The following PCDHB7 variants were observed in gnomAD, a reference collection of about 807,000 sequenced individuals.
PCDHB7 encodes the protein protocadherin beta-7.
For synonymous variants in PCDHB7, 542 were observed against 463.1 expected (o/e 1.17, Z -2.19); for missense variants, 1,148 against 1,011.6 (o/e 1.13, Z -1.83).
chr5:141,172,933 A>G lies in PCDHB7; in HGVS notation c.98A>G (p.Tyr33Cys). ...MSWAGAEPLRYFVAEETERGT... is the reference protein window; with the variant it reads ...MSWAGAEPLRCFVAEETERGT... ...TGGGCTGGCGCCGAACCGCTTCGGT[A>G]TTTTGTGGCGGAGGAAACCGAGAGA... The change falls in exon 1 of 1, where the codon TAT (tyrosine) becomes TGT (cysteine). Residue 33 changes from tyrosine (Y) to cysteine (C), a missense_variant. By Grantham distance (194) the Tyr-to-Cys change is radical. Transcript: ENST00000231137. 1 of 1,614,200 alleles carries G rather than the reference A, an allele frequency of 6.2e-7. No homozygotes were observed. The highest frequency in any genetic ancestry group is 8.5e-7 in the Non-Finnish European group (1 of 1,180,030).
chr5:141,173,155 A>G lies in PCDHB7; in HGVS notation c.320A>G (p.Gln107Arg), dbSNP rs570409660. The change falls in exon 1 of 1, where the codon CAG (glutamine) becomes CGG (arginine). Residue 107 changes from glutamine (Q) to arginine (R), a missense_variant. Transcript: ENST00000231137. ...AGAGAGCCCTGTGTGCTGCCTTTCC[A>G]GTTGTTATTGGAAAAACCTTTTCAG... ...GPREPCVLPF[Q>R]LLLEKPFQIF... 3 of 1,613,936 alleles carry G rather than the reference A, an allele frequency of 1.9e-6. No individual in the cohort carries two copies. The highest frequency in any genetic ancestry group is 2.2e-5 in the South Asian group (2 of 91,060).
chr5:141,173,166 G>A lies in PCDHB7; in HGVS notation c.331G>A (p.Glu111Lys), dbSNP rs76427364. 1.1e-5 allele frequency: 18 copies of A among 1,613,712 alleles called. No individual in the cohort carries two copies. The East Asian group carries it at 4.0e-4, about 36-fold the overall frequency. The stretch of plus-strand genomic sequence containing the variant: ...TGTGCTGCCTTTCCAGTTGTTATTG[G>A]AAAAACCTTTTCAGATTTTCCGTGC... Reference protein sequence around the residue: ...PCVLPFQLLLEKPFQIFRAEL... With the variant: ...PCVLPFQLLLKKPFQIFRAEL... The change falls in exon 1 of 1, where the codon GAA becomes AAA. Residue 111 changes from glutamate to lysine, a missense_variant. Coordinates refer to ENST00000231137, the MANE Select transcript of PCDHB7 (RefSeq NM_018940.4).
At position 141,175,259 on chromosome 5, in the gene PCDHB7, G is replaced by A. The variant is rs781962396; in HGVS notation, c.*42G>A. On this transcript the variant is annotated 3_prime_UTR_variant, in exon 1 of 1. Transcript: ENST00000231137. Reference sequence around the variant, plus strand: ...AATCCGCGTCTGTGAATACGTTTCTGATTAGGAACTTATTGCGAGGTTCCC... The same window carrying A: ...AATCCGCGTCTGTGAATACGTTTCTAATTAGGAACTTATTGCGAGGTTCCC... 3.2e-6 allele frequency: 5 copies of A among 1,540,254 alleles called. No individual in the cohort carries two copies. In the Admixed American group the frequency reaches 5.7e-5, roughly 18 times the overall value.
At position 141,174,366 on chromosome 5, in the gene PCDHB7, G is replaced by C. The variant is rs782316027; in HGVS notation, c.1531G>C (p.Gly511Arg). ...ASLVSINADNGHLFALRSLDY... is the reference protein window; with the variant it reads ...ASLVSINADNRHLFALRSLDY... ...CCTGGTCTCCATCAACGCGGACAAC[G>C]GCCACCTGTTTGCCCTCAGGTCCCT... The change falls in exon 1 of 1, where the codon GGC becomes CGC. Residue 511 changes from glycine to arginine, a missense_variant. Transcript: ENST00000231137. 1.2e-6 allele frequency: 2 copies of C among 1,612,768 alleles called. No homozygotes were observed. The highest frequency in any genetic ancestry group is 1.3e-5 in the African/African-American group (1 of 75,024).
Position 141,174,287 on chromosome 5 carries a change from C to T in PCDHB7, c.1452C>T (p.Ala484=), listed in dbSNP as rs149570059. The T allele has an allele frequency of 1.2e-5, 19 of 1,612,398 alleles. No individual in the cohort carries two copies. In the African/African-American group the frequency reaches 2.3e-4, roughly 19 times the overall value. Residue 484 remains alanine (A), a synonymous_variant, in exon 1 of 1, where the codon GCC becomes GCT. Transcript: ENST00000231137. ...SATDRDSGTN[A]QVIYSLLPSQ... is the part of the protein sequence containing the mutation. ...CAGACAGAGACTCGGGCACCAACGCCCAGGTCATCTACTCCCTGCTGCCGT... is the reference window on the plus strand; with the variant it reads ...CAGACAGAGACTCGGGCACCAACGCTCAGGTCATCTACTCCCTGCTGCCGT...
chr5:141,174,395 C>G lies in PCDHB7; in HGVS notation c.1560C>G (p.Asp520Glu). ...ACCTGTTTGCCCTCAGGTCCCTGGA[C>G]TACGAGGCCCTGCAGGCGTTCGAGT... The part of the protein sequence containing the change: ...NGHLFALRSL[D>E]YEALQAFEFR... Residue 520 changes from aspartate (D) to glutamate (E), a missense_variant, in exon 1 of 1, where the codon GAC becomes GAG. Asp to Glu is a conservative substitution (Grantham distance 45). Coordinates refer to ENST00000231137, the MANE Select transcript of PCDHB7 (RefSeq NM_018940.4). 1 of 1,612,524 alleles carries G rather than the reference C, an allele frequency of 6.2e-7. No homozygotes were observed. The highest frequency in any genetic ancestry group is 8.5e-7 in the Non-Finnish European group (1 of 1,179,836).
In PCDHB7 at chr5:141,173,777, T is replaced by C; in HGVS notation, c.942T>C (p.Thr314=). Residue 314 remains threonine (T), a synonymous_variant, in exon 1 of 1, where the codon ACT becomes ACC. Coordinates refer to ENST00000231137, the MANE Select transcript of PCDHB7 (RefSeq NM_018940.4). ...KAQLDYEAIQ[T]YTLTIQAKDG... Reference sequence around the variant, plus strand: ...AATTGGACTATGAGGCAATTCAAACTTACACATTAACTATTCAGGCCAAAG... The same window carrying C: ...AATTGGACTATGAGGCAATTCAAACCTACACATTAACTATTCAGGCCAAAG... 6.2e-7 allele frequency: 1 copy of C among 1,614,138 alleles called. No individual in the cohort carries two copies. The highest frequency in any genetic ancestry group is 8.5e-7 in the Non-Finnish European group (1 of 1,180,030).
Position 141,175,510 on chromosome 5 carries a change from T to A in PCDHB7, c.*293T>A. On this transcript the variant is annotated 3_prime_UTR_variant, in exon 1 of 1. Transcript: ENST00000231137. Reference sequence around the variant, plus strand: ...GCTTTCCATTGTTTTCAATCTCTACTGAGACTTCCTGAGTTGATTAGAAAG... The same window carrying A: ...GCTTTCCATTGTTTTCAATCTCTACAGAGACTTCCTGAGTTGATTAGAAAG... The A allele has an allele frequency of 2.4e-6, 1 of 417,516 alleles. No homozygotes were observed. Among genetic ancestry groups the A allele is most frequent in the Non-Finnish European group, 4.2e-6 (1 of 235,786 alleles). 25.9% of individuals were successfully genotyped at this position (417,516 alleles called of 1,614,324 possible).
rs782279641 is a variant in PCDHB7, at chr5:141,175,241, G to A, written c.*24G>A. 1.2e-5 allele frequency: 19 copies of A among 1,575,962 alleles called. No homozygotes were observed. The East Asian group carries it at 2.7e-4, about 22-fold the overall frequency. ...GATAAAGAATGTAAACTAAATCCGC[G>A]TCTGTGAATACGTTTCTGATTAGGA... On this transcript the variant is annotated 3_prime_UTR_variant, in exon 1 of 1. Transcript: ENST00000231137.
At position 141,173,535 on chromosome 5, in the gene PCDHB7, G is replaced by A; in HGVS notation, c.700G>A (p.Asp234Asn). The change falls in exon 1 of 1, where the codon GAC becomes AAC. Residue 234 changes from aspartate (D) to asparagine (N), a missense_variant. By Grantham distance (23) the Asp-to-Asn change is conservative. Transcript: ENST00000231137. The stretch of plus-strand genomic sequence containing the variant: ...CGCCCTCGTGCGCATTCTGGTTCTA[G>A]ACGTAAATGACAACGCCCCTGATTT... The part of the protein sequence containing the change: ...GTALVRILVL[D>N]VNDNAPDFVR... 1 of 1,613,726 alleles carries A rather than the reference G, an allele frequency of 6.2e-7. No individual in the cohort carries two copies.
At position 141,173,412 on chromosome 5, in the gene PCDHB7, G is replaced by A. The variant is rs781888787; in HGVS notation, c.577G>A (p.Glu193Lys). The change falls in exon 1 of 1, where the codon GAA becomes AAA. Residue 193 changes from glutamate to lysine, a missense_variant. Glu to Lys is a moderately conservative substitution (Grantham distance 56). Coordinates refer to ENST00000231137, the MANE Select transcript of PCDHB7 (RefSeq NM_018940.4). ...TAGCGGGGAGGGGAATATCTATCCC[G>A]AATTGGTGCTGAATCAAGTGCTGGA... Reference protein sequence around the residue: ...HDSGEGNIYPELVLNQVLDRE... With the variant: ...HDSGEGNIYPKLVLNQVLDRE... 6.2e-7 allele frequency: 1 copy of A among 1,614,154 alleles called. No homozygotes were observed. Among genetic ancestry groups the A allele is most frequent in the Non-Finnish European group, 8.5e-7 (1 of 1,180,016 alleles).
chr5:141,174,318 G>C lies in PCDHB7; in HGVS notation c.1483G>C (p.Asp495His). The C allele has an allele frequency of 6.2e-7, 1 of 1,612,864 alleles. No individual in the cohort carries two copies. The highest frequency in any genetic ancestry group is 8.5e-7 in the Non-Finnish European group (1 of 1,179,906). ...QVIYSLLPSQ[D>H]PHLPLASLVS... is the part of the protein sequence containing the mutation. ...CATCTACTCCCTGCTGCCGTCCCAG[G>C]ACCCGCACCTGCCCCTCGCCTCCCT... Residue 495 changes from aspartate to histidine, a missense_variant, in exon 1 of 1, where the codon GAC becomes CAC. By Grantham distance (81) the Asp-to-His change is moderately conservative. Transcript: ENST00000231137.
Position 141,176,077 on chromosome 5 carries a change from A to C in PCDHB7, c.*860A>C, listed in dbSNP as rs1202852203. On this transcript the variant is annotated 3_prime_UTR_variant, in exon 1 of 1. Transcript: ENST00000231137. ...CCTTCTCCTTTCTTCAGAACATATG[A>C]CTTTCATTTCCCAGAAAAAAGATTA... 5 of 167,196 alleles carry C rather than the reference A, an allele frequency of 3.0e-5. No individual in the cohort carries two copies. The highest frequency in any genetic ancestry group is 4.8e-5 in the African/African-American group (2 of 41,468). The allele number at this position is 167,196 out of a possible 1,614,324, so 10.4% of individuals were successfully genotyped here.
chr5:141,174,120 C>A lies in PCDHB7; in HGVS notation c.1285C>A (p.Pro429Thr), dbSNP rs782678208. The change falls in exon 1 of 1, where the codon CCC becomes ACC. Residue 429 changes from proline to threonine, a missense_variant. Coordinates refer to ENST00000231137, the MANE Select transcript of PCDHB7 (RefSeq NM_018940.4). The part of the protein sequence containing the change: ...ITITVTDLGT[P>T]RLKTEHNITV... ...CATCACCGTCACCGACTTGGGGACACCCAGGCTGAAAACCGAGCACAACAT... is the reference window on the plus strand; with the variant it reads ...CATCACCGTCACCGACTTGGGGACAACCAGGCTGAAAACCGAGCACAACAT... 4 of 1,614,020 alleles carry A rather than the reference C, an allele frequency of 2.5e-6. No homozygotes were observed. The highest frequency in any genetic ancestry group is 1.7e-5 in the Admixed American group (1 of 60,012).
At position 141,175,691 on chromosome 5, in the gene PCDHB7, A is replaced by T. The variant is rs1305927693; in HGVS notation, c.*474A>T. On this transcript the variant is annotated 3_prime_UTR_variant, in exon 1 of 1. Coordinates refer to ENST00000231137, the MANE Select transcript of PCDHB7 (RefSeq NM_018940.4). The stretch of plus-strand genomic sequence containing the variant: ...CATGGTATTTTAGGAATGAACAAAT[A>T]GATGGTCTTAGAGATTCAGTAAGTT... 21 of 179,500 alleles carry T rather than the reference A, an allele frequency of 1.2e-4. No homozygotes were observed. Among genetic ancestry groups the T allele is most frequent in the African/African-American group, 4.8e-4 (20 of 41,506 alleles). The allele number at this position is 179,500 out of a possible 1,614,324, so 11.1% of individuals were successfully genotyped here. A position where few individuals can be genotyped will look rare whatever the true frequency, so the allele number is the denominator to read the frequency against.
chr5:141,174,338 C>T lies in PCDHB7; in HGVS notation c.1503C>T (p.Ala501=), dbSNP rs17844456. Residue 501 remains alanine, a synonymous_variant, in exon 1 of 1, where the codon GCC becomes GCT. Transcript: ENST00000231137. The part of the protein sequence containing the change: ...LPSQDPHLPL[A]SLVSINADNG... The stretch of plus-strand genomic sequence containing the variant: ...CCCAGGACCCGCACCTGCCCCTCGC[C>T]TCCCTGGTCTCCATCAACGCGGACA... 6.2e-6 allele frequency: 10 copies of T among 1,612,952 alleles called. No homozygotes were observed. The highest frequency in any genetic ancestry group is 5.3e-5 in the African/African-American group (4 of 74,960).
At position 141,173,486 on chromosome 5, in the gene PCDHB7, C is replaced by T. The variant is rs77257610; in HGVS notation, c.651C>T (p.Gly217=). The change falls in exon 1 of 1, where the codon GGC becomes GGT. Residue 217 remains glycine (G), a synonymous_variant. Transcript: ENST00000231137. ...EFSLTLTALD[G]GSPPRSGTAL... is the part of the protein sequence containing the mutation. ...GTTTAACCCTCACCGCTTTAGACGGCGGCTCTCCTCCAAGATCAGGGACCG... is the reference window on the plus strand; with the variant it reads ...GTTTAACCCTCACCGCTTTAGACGGTGGCTCTCCTCCAAGATCAGGGACCG... 9.9e-4 allele frequency: 1,598 copies of T among 1,614,138 alleles called. 16 individuals are homozygous for T. The African/African-American group carries it at 0.018, about 19-fold the overall frequency.
rs1231283166 is a variant in PCDHB7, at chr5:141,174,243, A to G, written c.1408A>G (p.Ile470Val). 16 of 1,612,608 alleles carry G rather than the reference A, an allele frequency of 9.9e-6. No homozygotes were observed. The highest frequency in any genetic ancestry group is 1.4e-5 in the Non-Finnish European group (16 of 1,179,690). Residue 470 changes from isoleucine to valine, a missense_variant, in exon 1 of 1, where the codon ATC becomes GTC. Transcript: ENST00000231137. ...VRENNSPALP[I>V]GSVSATDRDS... The stretch of plus-strand genomic sequence containing the variant: ...TGAGAACAACAGCCCCGCCCTGCCC[A>G]TCGGCAGTGTCAGCGCCACAGACAG...
At position 141,172,748 on chromosome 5, in the gene PCDHB7, G is replaced by A; in HGVS notation, c.-88G>A. 5.7e-6 allele frequency: 6 copies of A among 1,045,340 alleles called. No individual in the cohort carries two copies. Among genetic ancestry groups the A allele is most frequent in the Non-Finnish European group, 8.6e-6 (6 of 698,612 alleles). 64.8% of individuals were successfully genotyped at this position (1,045,340 alleles called of 1,614,324 possible). ...TCCCCACAAACATTGCTATTATTCA[G>A]CTCATTTCAAAGGATTCCGCTGCTG... On this transcript the variant is annotated 5_prime_UTR_variant, in exon 1 of 1. Transcript: ENST00000231137.
Sources: allele counts gnomAD v4.1 joint callset, GRCh38; gene constraint gnomAD v4.1.1; transcripts MANE v1.5; gene names NCBI Gene and HGNC (gene_info 2026-07-23, HGNC 2026-07-21).